ZZEF1: variants seen among roughly 807,000 people sequenced by gnomAD.
ZZEF1 encodes zinc finger ZZ-type and EF-hand domain containing 1.
ZZEF1 carries 157 observed loss-of-function variants against 342.8 expected under a neutral mutation model. That is an observed-to-expected ratio of 0.46 (90% CI 0.40 to 0.52). The LOEUF is 0.52. Ranked by LOEUF, ZZEF1 falls within the 20% of genes least tolerant of loss-of-function variation. ZZEF1 has a pLI of 0.00. For synonymous variants in ZZEF1, 1,505 were observed against 1,429.1 expected, an observed-to-expected ratio of 1.05 and a Z score of -1.20; for missense variants, 3,480 against 3,725.6, an observed-to-expected ratio of 0.93 and a Z score of 1.72.
At chr17:4,007,340 C>A (rs2055825677) in intron 54 of ZZEF1, among the ~76,000 whole-genome samples, 1 of 152,226 alleles carries the variant, frequency 6.6e-6, no homozygotes, top group Non-Finnish European at 1.5e-5. Flanking sequence ...GTAGAGAAAA[C>A]AGGGCCAGGA....
intron 3 of ZZEF1, among the ~76,000 whole-genome samples, chr17:4,116,153 T>C (rs886362511): frequency 2.0e-5 from 3 of 152,130 alleles, no homozygotes; most frequent in African/African-American, 7.2e-5. Context: ...AACCTGTCTC[T>C]ACTAAAAATA....
intron 40 of ZZEF1, 87 bp downstream of exon 40, chr17:4,033,928 A>T: frequency 6.5e-7 from 1 of 1,532,994 alleles, no homozygotes; most frequent in South Asian, 1.2e-5. Flanking sequence ...CACCGAAATT[A>T]ATCAACAGCC....
At chr17:4,055,047 C>T (rs781845) in intron 33 of ZZEF1, among the ~76,000 whole-genome samples, 75,243 of 151,988 alleles carry the variant, frequency 0.5, 20,950 homozygotes, top group African/African-American at 0.77. Flanking sequence ...AAAAGGAGTA[C>T]TGTCCCTGGC....
chr17:4,045,977 G>A (rs961564817), intron 37 of ZZEF1, among the ~76,000 whole-genome samples: 3 of 151,814 alleles, frequency 2.0e-5, no homozygotes, highest in East Asian at 1.9e-4. Flanking sequence ...ACAGGTGTCC[G>A]CCACCACACC....
chr17:4,009,530 C>T (rs1372904028), intron 53 of ZZEF1, 74 bp downstream of exon 53: 1 of 1,599,790 alleles, frequency 6.3e-7, no homozygotes, highest in African/African-American at 1.3e-5. Flanking sequence ...GAGGCAGCAG[C>T]TTCTGCCCTG....
In ZZEF1 at chr17:4,088,803, C is replaced by T. The variant is rs867248118; in HGVS notation, c.2116G>A (p.Ala706Thr). The T allele has an allele frequency of 6.8e-6, 11 of 1,614,086 alleles. No individual in the cohort carries two copies. In the African/African-American group the frequency reaches 1.5e-4, roughly 22 times the overall value. Residue 706 changes from alanine to threonine, a missense_variant, in exon 13 of 55, where the codon GCA (alanine) becomes ACA (threonine). Physicochemically the swap from Ala to Thr is moderately conservative, Grantham distance 58. This residue lies in a region of ZZEF1 where 1,528 missense variants were observed against 1,624.1 expected (regional missense o/e 0.94). Transcript: ENST00000381638. ...GLTISGYLRPARAEAEQSVTC... is the reference protein window; with the variant it reads ...GLTISGYLRPTRAEAEQSVTC... ...ACGCTCTGTTCTGCTTCTGCTCTTG[C>T]AGGCCGGAGGTACCCACTGATGGTC...
Position 4,014,571 on chromosome 17 carries a change from G to T in ZZEF1, c.8146-56C>A. 1 of 1,582,990 alleles carries T rather than the reference G, an allele frequency of 6.3e-7. No individual in the cohort carries two copies. On this transcript the variant is annotated intron_variant, in intron 49 of 54. Transcript: ENST00000381638. This position sits in a 1 kb window ranked among gnomAD's most constrained non-coding sequence, Gnocchi z 4.4. ...CGATGCTGCTCACTAGACACTGACTGCAGCTGTCCCATGCCGAGTCCTGTG... is the reference window on the plus strand; with the variant it reads ...CGATGCTGCTCACTAGACACTGACTTCAGCTGTCCCATGCCGAGTCCTGTG...
intron 18 of ZZEF1, 81 bp from the exon 19 acceptor site, chr17:4,078,123 A>G (rs2057658476): frequency 7.1e-7 from 1 of 1,402,884 alleles, no homozygotes; most frequent in East Asian, 2.4e-5. Flanking sequence ...CTAAAGCAGC[A>G]GCTGTCACCA....
At chr17:4,105,448 C>T (rs1358529980) in intron 7 of ZZEF1, among the ~76,000 whole-genome samples, 2 of 152,150 alleles carry the variant, frequency 1.3e-5, no homozygotes, top group Non-Finnish European at 2.9e-5. Flanking sequence ...ATCAGAATCA[C>T]AGGACTACTC....
chr17:4,060,563 AAACAAC>A (rs58090435), intron 30 of ZZEF1, among the ~76,000 whole-genome samples: 6 of 150,022 alleles, frequency 4.0e-5, no homozygotes, highest in South Asian at 2.1e-4. Flanking sequence ...ACAAAAAAAC[AAACAAC>A]AACAACAACA....
At chr17:4,124,136 G>T (rs1007178553) in intron 1 of ZZEF1, 85 bp from the exon 2 acceptor site, 4 of 1,444,310 alleles carry the variant, frequency 2.8e-6, no homozygotes, top group Admixed American at 5.5e-5. Context: ...AAATTCTCGA[G>T]ACCGGTGATT....
intron 53 of ZZEF1, 131 bp downstream of exon 53, chr17:4,009,473 G>T: frequency 7.9e-7 from 1 of 1,271,998 alleles, no homozygotes; most frequent in Non-Finnish European, 1.1e-6. Flanking sequence ...TCTCAGCCAT[G>T]CCTGTCCTGT....
chr17:4,110,097 A>G (rs955651958), intron 5 of ZZEF1, among the ~76,000 whole-genome samples: 9 of 152,210 alleles, frequency 5.9e-5, no homozygotes, highest in African/African-American at 2.2e-4. Context: ...GGGTGATTTA[A>G]GTCTTTACAA....
intron 2 of ZZEF1, among the ~76,000 whole-genome samples, chr17:4,117,835 G>C (rs1219556503): frequency 6.6e-6 from 1 of 152,102 alleles, no homozygotes; most frequent in Non-Finnish European, 1.5e-5. Flanking sequence ...TGCATTAAGA[G>C]TAAAATCATA....
intron 1 of ZZEF1, among the ~76,000 whole-genome samples, chr17:4,136,522 A>G (rs2058751858): frequency 6.6e-6 from 1 of 152,150 alleles, no homozygotes; most frequent in Non-Finnish European, 1.5e-5. Flanking sequence ...AGCTGGCTTG[A>G]GAATGGTGGA....
chr17:4,136,588 G>A (rs1263703092), intron 1 of ZZEF1, among the ~76,000 whole-genome samples: 1 of 152,132 alleles, frequency 6.6e-6, no homozygotes, highest in East Asian at 1.9e-4. Context: ...AGCTCAGTCT[G>A]AAGAACAGCA....
intron 9 of ZZEF1, among the ~76,000 whole-genome samples, chr17:4,098,041 G>T (rs896176014): frequency 6.6e-6 from 1 of 151,372 alleles, no homozygotes. Context: ...AGTTCGAGAC[G>T]AGCCTGGCCA....
At chr17:4,077,199 T>A (rs115725560) in intron 19 of ZZEF1, among the ~76,000 whole-genome samples, 26,431 of 151,856 alleles carry the variant, frequency 0.17, 2,325 homozygotes, top group East Asian at 0.18. Context: ...TAAAGGGATT[T>A]TTTTTTGTCT....
chr17:4,049,649 T>A, intron 37 of ZZEF1, 59 bp downstream of exon 37: 3 of 1,603,358 alleles, frequency 1.9e-6, no homozygotes, highest in Non-Finnish European at 2.6e-6. Flanking sequence ...CTGCACTGAG[T>A]GAATGGCTCT....
Sources: gnomAD v4.1 joint callset for allele counts (sites outside exome capture counted in the v4.1 genomes callset) on GRCh38, gnomAD v4.1.1 for gene constraint, gnomAD v4.1.1 regional missense constraint, Gnocchi (gnomAD v3.1) non-coding constraint, MANE v1.5 for transcripts, NCBI Gene and HGNC (gene_info 2026-07-23, HGNC 2026-07-21) for gene names.